DNAH14: variants seen among roughly 807,000 people sequenced by gnomAD.
DNAH14 encodes the protein axonemal beta dynein heavy chain 14.
A neutral mutation model predicts 520.9 loss-of-function variants in DNAH14; 478 were observed. The ratio of observed to expected loss-of-function variants is 0.92; its 90% CI spans 0.85 to 0.99. The LOEUF is 0.99. Among genes scored for constraint, DNAH14 ranks in the 50% least tolerant of loss-of-function variants. The probability of loss-of-function intolerance (pLI) is 0.00; values close to 1 mark genes in which losing one functional copy is unlikely to be tolerated. For synonymous variants in DNAH14, 1,581 were observed against 1,757.2 expected, an observed-to-expected ratio of 0.90 and a Z score of 2.51; for missense variants, 4,831 against 5,234.5, an observed-to-expected ratio of 0.92 and a Z score of 2.38.
chr1:224,991,822 ATGTCTTTGC>A (rs913477497), intron 8 of DNAH14, among the ~76,000 whole-genome samples: 11 of 152,066 alleles, frequency 7.2e-5, no homozygotes, highest in Admixed American at 2.6e-4. Flanking sequence ...GGTTGATTCC[ATGTCTTTGC>A]TGTTGTGAAT....
chr1:224,987,472 T>C (rs545106177), intron 8 of DNAH14, among the ~76,000 whole-genome samples: 12 of 152,218 alleles, frequency 7.9e-5, no homozygotes, highest in African/African-American at 2.6e-4. Context: ...AAGAAGCATA[T>C]TTGTCTTACG....
At chr1:225,045,841 G>A (rs2067909526) in intron 15 of DNAH14, among the ~76,000 whole-genome samples, 1 of 152,198 alleles carries the variant, frequency 6.6e-6, no homozygotes. Flanking sequence ...AACTTGGGGT[G>A]GGAGGAGAGA....
rs1223820481 is a variant in DNAH14 at position 225,264,244 on chromosome 1, C to T, written c.7205C>T (p.Thr2402Ile). 2 of 1,549,578 alleles carry T rather than the reference C, an allele frequency of 1.3e-6. No individual in the cohort carries two copies. The highest frequency in any genetic ancestry group is 1.4e-5 in the African/African-American group (1 of 72,938). ...ITILIPETHKTATGSSDNPTK... is the reference protein window; with the variant it reads ...ITILIPETHKIATGSSDNPTK... ...ATCTTGATTCCTGAAACTCATAAGA[C>T]AGCAACTGGAAGTTCAGGTATATAT... The change falls in exon 47 of 86, where the codon ACA becomes ATA. Residue 2402 changes from threonine (T) to isoleucine (I), a missense_variant. Transcript: ENST00000682510.
chr1:225,193,156 A>G (rs140251552), intron 38 of DNAH14, among the ~76,000 whole-genome samples: 1 of 152,306 alleles, frequency 6.6e-6, no homozygotes, highest in East Asian at 1.9e-4. Flanking sequence ...AAAGGAGCAC[A>G]AAGTGAATTA....
At chr1:225,218,422 C>CA (rs1238741360) in intron 41 of DNAH14, among the ~76,000 whole-genome samples, 1 of 148,702 alleles carries the variant, frequency 6.7e-6, no homozygotes, top group East Asian at 2.0e-4. Flanking sequence ...ATCTCATGTA[C>CA]AAAGACACAC....
intron 54 of DNAH14, among the ~76,000 whole-genome samples, chr1:225,284,066 A>T (rs2093684945): frequency 6.6e-6 from 1 of 152,140 alleles, no homozygotes; most frequent in Non-Finnish European, 1.5e-5. Context: ...GCAACCTCAA[A>T]TCAATAACCT....
intron 5 of DNAH14, among the ~76,000 whole-genome samples, chr1:224,967,011 A>G (rs1333451689): frequency 6.6e-6 from 1 of 152,232 alleles, no homozygotes; most frequent in African/African-American, 2.4e-5. Flanking sequence ...AACAAATAAT[A>G]GCTGTTTTTA....
At chr1:225,162,875 A>G (rs1273327084) in intron 35 of DNAH14, among the ~76,000 whole-genome samples, 1 of 151,918 alleles carries the variant, frequency 6.6e-6, no homozygotes, top group African/African-American at 2.4e-5. Flanking sequence ...GGTGGCTCAC[A>G]CCTGTAATCC....
intron 1 of DNAH14, among the ~76,000 whole-genome samples, chr1:224,946,527 A>G (rs1000245358): frequency 6.6e-6 from 1 of 152,156 alleles, no homozygotes; most frequent in Admixed American, 6.5e-5. Flanking sequence ...CCGGTACCTC[A>G]GTTGGAAATG....
intron 37 of DNAH14, among the ~76,000 whole-genome samples, chr1:225,185,997 C>G (rs1358541061): frequency 1.2e-5 from 1 of 83,034 alleles, no homozygotes; most frequent in African/African-American, 4.2e-5. Flanking sequence ...TTTTCAGCAT[C>G]TATTTTTTAA....
At chr1:225,243,456 T>C (rs1158282988) in intron 43 of DNAH14, among the ~76,000 whole-genome samples, 1 of 151,998 alleles carries the variant, frequency 6.6e-6, no homozygotes, top group Admixed American at 6.6e-5. Flanking sequence ...GAAAACCTAA[T>C]CTGTTAAGGA....
intron 64 of DNAH14, among the ~76,000 whole-genome samples, chr1:225,328,266 A>G (rs2094719686): frequency 6.6e-6 from 1 of 152,184 alleles, no homozygotes; most frequent in African/African-American, 2.4e-5. Context: ...CTCAGCAGAA[A>G]TTTTACAGGC....
In DNAH14 at chr1:224,993,132, C is replaced by T. The variant is rs149255741; in HGVS notation, c.831-9651C>T. 8.6e-3 allele frequency among the ~76,000 whole-genome samples: 1,305 copies of T among 152,144 alleles called. 11 individuals carry two copies. The highest frequency in any genetic ancestry group is 0.014 in the Non-Finnish European group (943 of 67,938). ...AGAATTTGGTTTAAGATACTTACAT[C>T]CATGTTTAAGGATATTGGCATGGCC... is the stretch of plus-strand genomic sequence containing the variant. On this transcript the variant is annotated intron_variant, in intron 8 of 85. Transcript: ENST00000682510.
intron 83 of DNAH14, among the ~76,000 whole-genome samples, chr1:225,391,563 G>T (rs191197770): frequency 1.3e-5 from 2 of 152,264 alleles, no homozygotes; most frequent in East Asian, 3.9e-4. Flanking sequence ...GGCAGAAGCA[G>T]GGAGTAGGGG....
rs542464728 is a variant in DNAH14 at position 224,941,613 on chromosome 1, G to T, written c.-33-11057G>T. On this transcript the variant is annotated intron_variant, in intron 1 of 85. Transcript: ENST00000682510. ...CTATGTCCTGAATGGTATTGCCTAG[G>T]TTTTCTTCCAGGGTTTTTATGGTTT... is the stretch of plus-strand genomic sequence containing the variant. Among the ~76,000 whole-genome samples the T allele has an allele frequency of 2.7e-4, 41 of 152,250 alleles. No individual in the cohort carries two copies. The South Asian group carries it at 8.1e-3, about 30-fold the overall frequency.
intron 11 of DNAH14, among the ~76,000 whole-genome samples, chr1:225,033,772 A>C (rs1299649029): frequency 6.6e-6 from 1 of 152,066 alleles, no homozygotes; most frequent in Non-Finnish European, 1.5e-5. Context: ...TTCTCTTTGT[A>C]GAGATCTTTC....
intron 13 of DNAH14, 30 bp downstream of exon 13, chr1:225,043,144 G>A: frequency 1.3e-6 from 2 of 1,525,588 alleles, no homozygotes; most frequent in Non-Finnish European, 1.8e-6. Context: ...AAAGAATGAG[G>A]GGTTGCCAGG....
In DNAH14 at chr1:225,275,898, T is replaced by C; in HGVS notation, c.8011-16T>C. 3.1e-6 allele frequency: 1 copy of C among 321,246 alleles called. No homozygotes were observed. The highest frequency in any genetic ancestry group is 6.3e-6 in the Non-Finnish European group (1 of 158,632). 19.9% of individuals were successfully genotyped at this position (321,246 alleles called of 1,614,324 possible). A position where few individuals can be genotyped will look rare whatever the true frequency, so the allele number is the denominator to read the frequency against. On this transcript the variant is annotated splice_polypyrimidine_tract_variant and intron_variant, in intron 52 of 85. Transcript: ENST00000682510. ...GTGCTATTAATGGATAGTGTTAAAT[T>C]CTTATCTTACAATAGATTCAGTGGA...
chr1:224,935,070 A>G (rs920051851), intron 1 of DNAH14, among the ~76,000 whole-genome samples: 1 of 151,950 alleles, frequency 6.6e-6, no homozygotes, highest in Non-Finnish European at 1.5e-5. Flanking sequence ...ACATGAAAGT[A>G]TAAAACTCAG....
Sources: gnomAD v4.1 joint callset for allele counts (sites outside exome capture counted in the v4.1 genomes callset) on GRCh38, gnomAD v4.1.1 for gene constraint, MANE v1.5 for transcripts, NCBI Gene and HGNC (gene_info 2026-07-23, HGNC 2026-07-21) for gene names.